The following SCRIB variants were observed in gnomAD, a reference collection of about 807,000 sequenced individuals.
The protein encoded by SCRIB is protein scribble homolog.
In SCRIB, 72 loss-of-function variants were observed where a neutral mutation model predicts 170.0. The observed-to-expected ratio is 0.42, with a 90% confidence interval of 0.35 to 0.52. The LOEUF is 0.52. Ranked by LOEUF, SCRIB falls within the 20% of genes least tolerant of loss-of-function variation. The pLI is 0.02. For synonymous variants in SCRIB, 1,298 were observed against 1,044.3 expected (o/e 1.24, Z -4.68); for missense variants, 2,475 against 2,338.5 (o/e 1.06, Z -1.20).
rs1281704212 is a variant in SCRIB at position 143,809,000 on chromosome 8, G to A, written c.1724C>T (p.Ala575Val). The A allele has an allele frequency of 6.2e-7, 1 of 1,612,788 alleles. No homozygotes were observed. The highest frequency in any genetic ancestry group is 8.5e-7 in the Non-Finnish European group (1 of 1,179,782). The change falls in exon 15 of 37, where the codon GCA becomes GTA. Residue 575 changes from alanine to valine, a missense_variant. By Grantham distance (64) the Ala-to-Val change is moderately conservative. Transcript: ENST00000356994. ...QEPTVHFAEDALLPGDDREIE... is the reference protein window; with the variant it reads ...QEPTVHFAEDVLLPGDDREIE... The stretch of plus-strand genomic sequence containing the variant: ...CTCCCTGTCATCCCCGGGCAGCAGT[G>A]CGTCCTCTGCGAAATGCACCGTGGG...
chr8:143,791,128 C>T lies in SCRIB; in HGVS notation c.*35G>A. ...AAGGGTGGTGCTGGAGCTGGCAGGGCCCCCACCCCAAGTCTGGGGGAGGTG... is the reference window on the plus strand; with the variant it reads ...AAGGGTGGTGCTGGAGCTGGCAGGGTCCCCACCCCAAGTCTGGGGGAGGTG... On this transcript the variant is annotated 3_prime_UTR_variant, in exon 37 of 37. Transcript: ENST00000356994. The T allele has an allele frequency of 7.2e-7, 1 of 1,384,654 alleles. No individual in the cohort carries two copies. The highest frequency in any genetic ancestry group is 9.4e-7 in the Non-Finnish European group (1 of 1,069,282). The allele number at this position is 1,384,654 out of a possible 1,614,324, so 85.8% of individuals were successfully genotyped here. A position where few individuals can be genotyped will look rare whatever the true frequency, so the allele number is the denominator to read the frequency against.
chr8:143,796,651 G>A (rs573571839), intron 24 of SCRIB, among the ~76,000 whole-genome samples: 7 of 152,330 alleles, frequency 4.6e-5, no homozygotes, highest in African/African-American at 7.2e-5. Flanking sequence ...GACTAGAAAC[G>A]CGAGTGTCGT....
intron 27 of SCRIB, among the ~76,000 whole-genome samples, chr8:143,794,806 C>T (rs1259364502): frequency 6.6e-6 from 1 of 152,152 alleles, no homozygotes; most frequent in Non-Finnish European, 1.5e-5. Context: ...GCCTGTGTCA[C>T]CCATCCGCAG....
In SCRIB at chr8:143,805,377, C is replaced by T; in HGVS notation, c.2405G>A (p.Gly802Glu). 6.5e-7 allele frequency: 1 copy of T among 1,547,248 alleles called. No individual in the cohort carries two copies. The highest frequency in any genetic ancestry group is 8.7e-7 in the Non-Finnish European group (1 of 1,152,468). Reference sequence around the variant, plus strand: ...TCGCATCTGCACGGCAGTGCCGGCCCCCCGGAGCGCCTCCACGGCCTCGTG... The same window carrying T: ...TCGCATCTGCACGGCAGTGCCGGCCTCCCGGAGCGCCTCCACGGCCTCGTG... ...EHHEAVEALR[G>E]AGTAVQMRVW... The change falls in exon 19 of 37, where the codon GGG becomes GAG. Residue 802 changes from glycine (G) to glutamate (E), a missense_variant. Gly to Glu is a moderately conservative substitution (Grantham distance 98). Around this residue, in one of 3 missense-constraint regions of SCRIB, gnomAD observed 1,966 missense variants for 1,742.9 expected, o/e 1.13. Coordinates refer to ENST00000356994, the MANE Select transcript of SCRIB (RefSeq NM_182706.5).
chr8:143,813,612 T>A (rs754612392), intron 4 of SCRIB, 25 bp downstream of exon 4: 1 of 1,612,548 alleles, frequency 6.2e-7, no homozygotes, highest in Non-Finnish European at 8.5e-7. Flanking sequence ...CACCCCACCC[T>A]AGTTCCACCT....
chr8:143,811,368 AG>A (rs1416499185), intron 9 of SCRIB, 23 bp from the exon 10 acceptor site: 1 of 1,604,480 alleles, frequency 6.2e-7, no homozygotes, highest in East Asian at 2.2e-5. Flanking sequence ...AGGAGGTCAG[AG>A]GACGCTAGGG....
Position 143,813,913 on chromosome 8 carries a change from C to G in SCRIB, c.278-17G>C, listed in dbSNP as rs1229961138. Reference sequence around the variant, plus strand: ...CAGGGATATCTGTCACAGAGGGTCACAGTGGACAGATGCCATGGCCTGCAG... The same window carrying G: ...CAGGGATATCTGTCACAGAGGGTCAGAGTGGACAGATGCCATGGCCTGCAG... On this transcript the variant is annotated splice_polypyrimidine_tract_variant and intron_variant, in intron 2 of 36. Transcript: ENST00000356994. 6.2e-7 allele frequency: 1 copy of G among 1,605,486 alleles called. No individual in the cohort carries two copies. Among genetic ancestry groups the G allele is most frequent in the South Asian group, 1.1e-5 (1 of 90,414 alleles).
At chr8:143,804,496 G>T (rs559172544) in intron 21 of SCRIB, 72 bp downstream of exon 21, 46 of 1,432,348 alleles carry the variant, frequency 3.2e-5, no homozygotes, top group Non-Finnish European at 3.3e-5. Flanking sequence ...GGCCATAAGA[G>T]AGCAGGTCCT....
At chr8:143,809,765 AG>A in intron 13 of SCRIB, 47 bp from the exon 14 acceptor site, 5 of 1,584,084 alleles carry the variant, frequency 3.2e-6, no homozygotes, top group Non-Finnish European at 4.3e-6. Context: ...CCCGACTCAC[AG>A]GCTGGCCACC....
intron 28 of SCRIB, 116 bp downstream of exon 28, chr8:143,793,784 A>G (rs950797340): frequency 3.9e-6 from 4 of 1,014,750 alleles, no homozygotes; most frequent in South Asian, 2.9e-5. Context: ...CGGAGTCAAC[A>G]GCACCCCACG....
At chr8:143,814,931 AC>A (rs1473951786) in intron 1 of SCRIB, 2 of 466,578 alleles carry the variant, frequency 4.3e-6, no homozygotes, top group East Asian at 7.6e-5. Context: ...TTCCACCCTA[AC>A]CCCATCCACC....
In SCRIB at chr8:143,815,591, G is replaced by A. The variant is rs1231576562; in HGVS notation, c.-219C>T. 2.3e-5 allele frequency: 23 copies of A among 981,814 alleles called. No individual in the cohort carries two copies. Among genetic ancestry groups the A allele is most frequent in the South Asian group, 4.7e-5 (1 of 21,284 alleles). 60.8% of individuals were successfully genotyped at this position (981,814 alleles called of 1,614,324 possible). ...CTGGGCAGGGGGCGCGGCCCGGCGG[G>A]TCTCAGACTCTTAGGAAGCGCGGGG... On this transcript the variant is annotated 5_prime_UTR_variant, in exon 1 of 37. Transcript: ENST00000356994.
intron 16 of SCRIB, 69 bp from the exon 17 acceptor site, chr8:143,807,082 C>T: frequency 9.0e-7 from 1 of 1,106,152 alleles, no homozygotes; most frequent in Non-Finnish European, 1.3e-6. Context: ...TGCAGGAGAC[C>T]CCACCAGCAC....
chr8:143,792,845 G>T lies in SCRIB; in HGVS notation c.4040C>A (p.Ala1347Asp). 1.3e-6 allele frequency: 2 copies of T among 1,529,976 alleles called. No homozygotes were observed. Among genetic ancestry groups the T allele is most frequent in the Non-Finnish European group, 8.8e-7 (1 of 1,141,226 alleles). The allele number at this position is 1,529,976 out of a possible 1,614,324, so 94.8% of individuals were successfully genotyped here. ...PAQPPTPGPAASPEQLSFRER... is the reference protein window; with the variant it reads ...PAQPPTPGPADSPEQLSFRER... ...CCGGAAGGACAGCTGCTCCGGGGAG[G>T]CTGCAGGCCCAGGCGTGGGGGGCTG... is the stretch of plus-strand genomic sequence containing the variant. The change falls in exon 30 of 37, where the codon GCC becomes GAC. Residue 1347 changes from alanine to aspartate, a missense_variant. This residue lies in a region of SCRIB where 1,966 missense variants were observed against 1,742.9 expected (regional missense o/e 1.13). Coordinates refer to ENST00000356994, the MANE Select transcript of SCRIB (RefSeq NM_182706.5).
chr8:143,799,415 C>T (rs1815079171), intron 24 of SCRIB, among the ~76,000 whole-genome samples: 2 of 152,172 alleles, frequency 1.3e-5, no homozygotes, highest in Non-Finnish European at 1.5e-5. Flanking sequence ...ACACACAGGA[C>T]CCTGGTCAGC....
Position 143,806,441 on chromosome 8 carries a change from C to T in SCRIB, c.2312G>A (p.Arg771Gln), listed in dbSNP as rs193014409. The change falls in exon 18 of 37, where the codon CGG becomes CAG. Residue 771 changes from arginine (R) to glutamine (Q), a missense_variant. Coordinates refer to ENST00000356994, the MANE Select transcript of SCRIB (RefSeq NM_182706.5). ...CTTGTCACCCACACGGACTCCAGCCCGGGCCGCAGGGCCTTCCTCGGACAC... is the reference window on the plus strand; with the variant it reads ...CTTGTCACCCACACGGACTCCAGCCTGGGCCGCAGGGCCTTCCTCGGACAC... ...SRVSEEGPAA[R>Q]AGVRVGDKLL... 9.6e-5 allele frequency: 154 copies of T among 1,606,320 alleles called. 2 individuals carry two copies. Among genetic ancestry groups the T allele is most frequent in the South Asian group, 9.5e-4 (85 of 89,682 alleles).
In SCRIB at chr8:143,792,746, A is replaced by G; in HGVS notation, c.4139T>C (p.Val1380Ala). 1.3e-6 allele frequency: 2 copies of G among 1,591,542 alleles called. No homozygotes were observed. Among genetic ancestry groups the G allele is most frequent in the Middle Eastern group, 1.7e-4 (1 of 6,022 alleles). The change falls in exon 30 of 37, where the codon GTG becomes GCG. Residue 1380 changes from valine to alanine, a missense_variant. Val to Ala is a moderately conservative substitution (Grantham distance 64, BLOSUM62 0). This residue lies in a region of SCRIB where 1,966 missense variants were observed against 1,742.9 expected (regional missense o/e 1.13). Coordinates refer to ENST00000356994, the MANE Select transcript of SCRIB (RefSeq NM_182706.5). ...CATCTTCCGCAGGTCGTCAGCACCCACCAGGGACACGCGCTTAGGGGGGCC... is the reference window on the plus strand; with the variant it reads ...CATCTTCCGCAGGTCGTCAGCACCCGCCAGGGACACGCGCTTAGGGGGGCC... Reference protein sequence around the residue: ...AEGPPKRVSLVGADDLRKMQE... With the variant: ...AEGPPKRVSLAGADDLRKMQE...
At chr8:143,815,051 C>T (rs1816004796) in intron 1 of SCRIB, 163 bp downstream of exon 1, 3 of 778,440 alleles carry the variant, frequency 3.9e-6, no homozygotes, top group Non-Finnish European at 5.6e-6. Flanking sequence ...CCAGCCAGGG[C>T]GGCTGGAAGA....
Position 143,805,435 on chromosome 8 carries a change from C to A in SCRIB, c.2347G>T (p.Val783Leu). Residue 783 changes from valine to leucine, a missense_variant and splice_region_variant, in exon 19 of 37, where the codon GTG (valine) becomes TTG (leucine). Physicochemically the swap from Val to Leu is conservative, Grantham distance 32. Around this residue, in one of 3 missense-constraint regions of SCRIB, gnomAD observed 1,966 missense variants for 1,742.9 expected, o/e 1.13. Transcript: ENST00000356994. ...GCGCCCTGCAGAGCCACACCATTCA[C>A]CTGCGGGCCAGGGACCACGTGCGTA... Reference protein sequence around the residue: ...GVRVGDKLLEVNGVALQGAEH... With the variant: ...GVRVGDKLLELNGVALQGAEH... 1 of 1,489,716 alleles carries A rather than the reference C, an allele frequency of 6.7e-7. No homozygotes were observed. Among genetic ancestry groups the A allele is most frequent in the South Asian group, 1.3e-5 (1 of 77,586 alleles). 92.3% of individuals were successfully genotyped at this position (1,489,716 alleles called of 1,614,324 possible). A position where few individuals can be genotyped will look rare whatever the true frequency, so the allele number is the denominator to read the frequency against.
Sources: allele counts gnomAD v4.1 joint callset (sites outside exome capture counted in the v4.1 genomes callset), GRCh38; gene constraint gnomAD v4.1.1; regional missense constraint gnomAD v4.1.1; transcripts MANE v1.5; gene names NCBI Gene and HGNC (gene_info 2026-07-23, HGNC 2026-07-21).